LDLRAD4: variants seen among roughly 807,000 people sequenced by gnomAD.
LDLRAD4 encodes low density lipoprotein receptor class A domain containing 4.
In LDLRAD4, 5 loss-of-function variants were observed where a neutral mutation model predicts 17.0. The ratio of observed to expected loss-of-function variants is 0.29; its 90% CI spans 0.15 to 0.62. The LOEUF is 0.62. LDLRAD4 is among the 20% of genes least tolerant of loss of function. The pLI is 0.84. For missense variants in LDLRAD4, 340 were observed against 424.7 expected (o/e 0.80, Z 1.75); for synonymous variants, 168 against 171.8 (o/e 0.98, Z 0.17).
intron 4 of LDLRAD4, among the ~76,000 whole-genome samples, chr18:13,630,140 T>C (rs1000395089): frequency 6.6e-6 from 1 of 152,226 alleles, no homozygotes; most frequent in Non-Finnish European, 1.5e-5. Context: ...CCCATTGCAT[T>C]GTCCCAGAAA....
intron 1 of LDLRAD4, among the ~76,000 whole-genome samples, chr18:13,320,372 C>A (rs970197693): frequency 3.9e-5 from 6 of 152,136 alleles, no homozygotes; most frequent in African/African-American, 1.4e-4. Flanking sequence ...TAGGAAGGAG[C>A]CTTATGAATG....
chr18:13,425,176 A>C (rs2145924270), intron 2 of LDLRAD4, among the ~76,000 whole-genome samples: 1 of 152,320 alleles, frequency 6.6e-6, no homozygotes, highest in East Asian at 1.9e-4. Context: ...TAATTATATG[A>C]TTTATTGATT....
chr18:13,275,483 G>A (rs1278211622), upstream of LDLRAD4, among the ~76,000 whole-genome samples: 1 of 152,178 alleles, frequency 6.6e-6, no homozygotes, highest in Non-Finnish European at 1.5e-5. Flanking sequence ...AAGTTCGGTT[G>A]CTGTGGCCTT....
intron 1 of LDLRAD4, among the ~76,000 whole-genome samples, chr18:13,231,605 T>A (rs1326040339): frequency 6.6e-6 from 1 of 152,238 alleles, no homozygotes. Flanking sequence ...ATAGTTGATA[T>A]TTGTTTACAT....
intron 3 of LDLRAD4, among the ~76,000 whole-genome samples, chr18:13,536,291 C>T (rs540868632): frequency 2.4e-4 from 37 of 152,326 alleles, no homozygotes; most frequent in African/African-American, 8.7e-4. Flanking sequence ...TCTCTCCATA[C>T]ACTAAGGTCT....
chr18:13,265,792 T>A (rs2044182204), intron 1 of LDLRAD4, among the ~76,000 whole-genome samples: 1 of 152,060 alleles, frequency 6.6e-6, no homozygotes, highest in Admixed American at 6.5e-5. Context: ...AGTCATCTCC[T>A]GTTGGGGTGG....
chr18:13,571,213 C>G (rs890762305), intron 3 of LDLRAD4, among the ~76,000 whole-genome samples: 6 of 152,192 alleles, frequency 3.9e-5, no homozygotes, highest in Non-Finnish European at 7.3e-5. Flanking sequence ...ATTAGAAAAG[C>G]AGATGTTTCC....
chr18:13,444,795 A>T (rs1003884934), intron 3 of LDLRAD4, among the ~76,000 whole-genome samples: 2 of 152,210 alleles, frequency 1.3e-5, no homozygotes, highest in Admixed American at 1.3e-4. Flanking sequence ...GTAGGGATGA[A>T]TATTATTATT....
In LDLRAD4 at chr18:13,445,766, GGT is replaced by G. The variant is rs919803347; in HGVS notation, c.181+7396_181+7397del. Among the ~76,000 whole-genome samples, 197 of 147,792 alleles carry G rather than the reference GGT, an allele frequency of 1.3e-3. 1 individual carries two copies. In the Middle Eastern group the frequency reaches 0.014, roughly 11 times the overall value. ...ATGTGTGTGGGTGTGTGCATGTGTG[GGT>G]GTGTGTGTGTGTGAGGTTGAGTCTC... On this transcript the variant is annotated intron_variant, in intron 3 of 5. Coordinates refer to ENST00000359446, the Ensembl canonical transcript of LDLRAD4.
chr18:13,314,501 A>G (rs1026942991), intron 1 of LDLRAD4, among the ~76,000 whole-genome samples: 8 of 152,230 alleles, frequency 5.3e-5, no homozygotes, highest in African/African-American at 1.9e-4. Flanking sequence ...GTGATCTTGA[A>G]AAGCTGGACA....
intron 1 of LDLRAD4, among the ~76,000 whole-genome samples, chr18:13,257,859 G>A (rs1191408785): frequency 1.3e-5 from 2 of 152,196 alleles, no homozygotes; most frequent in African/African-American, 4.8e-5. Flanking sequence ...TGAGAAACCT[G>A]CTTTAACAGT....
At chr18:13,325,649 G>A (rs577150175) in intron 1 of LDLRAD4, among the ~76,000 whole-genome samples, 2 of 152,308 alleles carry the variant, frequency 1.3e-5, no homozygotes, top group South Asian at 2.1e-4. Flanking sequence ...GGCCGATCCC[G>A]GCACTCAGCT....
intron 3 of LDLRAD4, chr18:13,612,226 A>G: frequency 2.0e-6 from 2 of 992,250 alleles, no homozygotes; most frequent in Non-Finnish European, 2.4e-6. Flanking sequence ...TGAGCCGTCT[A>G]GCTGCGTTCT....
At chr18:13,310,447 G>T (rs964511672) in intron 1 of LDLRAD4, among the ~76,000 whole-genome samples, 1 of 152,302 alleles carries the variant, frequency 6.6e-6, no homozygotes, top group Admixed American at 6.5e-5. Flanking sequence ...AGACGTTGTG[G>T]TTGAAAAGGA....
chr18:13,542,245 A>G (rs1396102559), intron 3 of LDLRAD4: 1 of 152,220 alleles, frequency 6.6e-6, no homozygotes, highest in Non-Finnish European at 1.5e-5. Flanking sequence ...GAGGCTGTTT[A>G]ATCTCCACTG....
Position 13,374,779 on chromosome 18 carries a change from T to G in LDLRAD4, c.-382-12562T>G, listed in dbSNP as rs144396544. Among the ~76,000 whole-genome samples, 71 of 152,234 alleles carry G rather than the reference T, an allele frequency of 4.7e-4. 2 individuals carry two copies. In the East Asian group the frequency reaches 0.012, roughly 26 times the overall value. On this transcript the variant is annotated intron_variant, in intron 1 of 5. Coordinates refer to ENST00000359446, the Ensembl canonical transcript of LDLRAD4. ...ATTGAGAAGGCCAGCACCTGCTAGGTGTGTGTCTGGAAGTCTGCAGCAGCT... is the reference window on the plus strand; with the variant it reads ...ATTGAGAAGGCCAGCACCTGCTAGGGGTGTGTCTGGAAGTCTGCAGCAGCT...
At chr18:13,649,574 A>AT (rs1243080250) in exon 6 of LDLRAD4, 5 of 152,726 alleles carry the variant, frequency 3.3e-5, no homozygotes, top group Non-Finnish European at 7.3e-5. Context: ...GCTCAGAGAC[A>AT]TTCTGCTGTG....
At chr18:13,611,814 G>A in intron 3 of LDLRAD4, 2 of 985,756 alleles carry the variant, frequency 2.0e-6, no homozygotes, top group Non-Finnish European at 2.4e-6. Flanking sequence ...AGCGCGCAGT[G>A]TTTCCTGCTG....
intron 1 of LDLRAD4, among the ~76,000 whole-genome samples, chr18:13,364,219 A>G (rs967957820): frequency 1.4e-4 from 22 of 152,348 alleles, no homozygotes; most frequent in African/African-American, 5.3e-4. Flanking sequence ...AACTTTGGTC[A>G]TGGGGTTACG....
Sources: allele counts gnomAD v4.1 joint callset (sites outside exome capture counted in the v4.1 genomes callset), GRCh38; gene constraint gnomAD v4.1.1; transcripts MANE v1.5; gene names NCBI Gene and HGNC (gene_info 2026-07-23, HGNC 2026-07-21).